SAP130: variants seen among roughly 807,000 people sequenced by gnomAD.
SAP130 encodes the protein Sin3A associated protein 130, also known as histone deacetylase complex subunit SAP130.
A neutral mutation model predicts 103.2 loss-of-function variants in SAP130; 16 were observed. That is an observed-to-expected ratio of 0.16 (90% CI 0.10 to 0.24). The LOEUF is 0.24. Among genes scored for constraint, SAP130 ranks in the 10% least tolerant of loss-of-function variants. The pLI, the probability that SAP130 is intolerant of heterozygous loss-of-function variation, is 1.00. For synonymous variants in SAP130, 477 were observed against 497.0 expected (o/e 0.96, Z 0.53); for missense variants, 990 against 1,359.7 (o/e 0.73, Z 4.28).
rs755963414 is a variant in SAP130, at chr2:127,941,997, G to C, written c.*9C>G. On this transcript the variant is annotated 3_prime_UTR_variant, in exon 21 of 21. Transcript: ENST00000643581. ...TAAATTTGCTTCCAATCTCCTGATT[G>C]TTCTGGGTCTAGACTTTTTCCTTTC... The C allele has an allele frequency of 2.6e-6, 4 of 1,540,688 alleles. No homozygotes were observed. The highest frequency in any genetic ancestry group is 3.5e-6 in the Non-Finnish European group (4 of 1,155,728).
At chr2:127,983,996 C>T (rs1682184723) in intron 14 of SAP130, among the ~76,000 whole-genome samples, 1 of 151,740 alleles carries the variant, frequency 6.6e-6, no homozygotes, top group African/African-American at 2.4e-5. Flanking sequence ...ATCCCTGTTC[C>T]TTTTCTCTGA....
chr2:127,974,917 T>C (rs976424170), intron 15 of SAP130, among the ~76,000 whole-genome samples: 1 of 152,212 alleles, frequency 6.6e-6, no homozygotes, highest in Non-Finnish European at 1.5e-5. Context: ...TGTACAGATT[T>C]TTAGCCTAGG....
chr2:127,989,287 C>T lies in SAP130; in HGVS notation c.1780+277G>A, dbSNP rs549793224. 6.6e-4 allele frequency among the ~76,000 whole-genome samples: 101 copies of T among 151,948 alleles called. No individual in the cohort carries two copies. The highest frequency in any genetic ancestry group is 3.4e-3 in the Middle Eastern group (1 of 294). On this transcript the variant is annotated intron_variant, in intron 13 of 20. Coordinates refer to ENST00000643581, the MANE Select transcript of SAP130 (RefSeq NM_001330301.2). The surrounding 1 kb of genome is among the most constrained non-coding windows in gnomAD (Gnocchi z 4.6). Reference sequence around the variant, plus strand: ...CTAATTTTTTTGTATTTTTAGTAGACAGGGTTTTACCACGTTAGCCTGGAT... The same window carrying T: ...CTAATTTTTTTGTATTTTTAGTAGATAGGGTTTTACCACGTTAGCCTGGAT...
At chr2:128,017,472 A>G (rs1684857703) in intron 3 of SAP130, among the ~76,000 whole-genome samples, 1 of 152,202 alleles carries the variant, frequency 6.6e-6, no homozygotes, top group Non-Finnish European at 1.5e-5. Flanking sequence ...ATAACAGCAA[A>G]GATCCTATGA....
chr2:128,015,871 G>A (rs531895163), intron 4 of SAP130, among the ~76,000 whole-genome samples: 4 of 151,306 alleles, frequency 2.6e-5, no homozygotes, highest in African/African-American at 4.9e-5. Flanking sequence ...AACACGGGAC[G>A]TGGACGTTGC....
At chr2:127,978,462 A>G (rs1176867026) in intron 14 of SAP130, among the ~76,000 whole-genome samples, 2 of 152,166 alleles carry the variant, frequency 1.3e-5, no homozygotes, top group African/African-American at 2.4e-5. Flanking sequence ...TATTATGCCT[A>G]TGGTGTTTAT....
chr2:127,944,094 C>T lies in SAP130; in HGVS notation c.2901+1362G>A, dbSNP rs370085165. On this transcript the variant is annotated intron_variant, in intron 19 of 20. Coordinates refer to ENST00000643581, the MANE Select transcript of SAP130 (RefSeq NM_001330301.2). ...TTATCCAGGATGGAGTGCAGTGGTG[C>T]GATCATGGCTAAGGGCAGCCTTGGT... 3.6e-4 allele frequency among the ~76,000 whole-genome samples: 54 copies of T among 151,706 alleles called. No individual in the cohort carries two copies. The South Asian group carries it at 5.9e-3, about 16-fold the overall frequency.
intron 2 of SAP130, among the ~76,000 whole-genome samples, chr2:128,019,123 T>C (rs965450023): frequency 2.2e-4 from 33 of 151,972 alleles, no homozygotes; most frequent in Admixed American, 2.2e-3. Context: ...AAAAAAGATA[T>C]TTTAAGTACG....
intron 9 of SAP130, 46 bp from the exon 10 acceptor site, chr2:127,999,891 C>T (rs376833813): frequency 2.8e-6 from 4 of 1,442,854 alleles, no homozygotes; most frequent in Non-Finnish European, 3.8e-6. Context: ...AACTTCTCTG[C>T]ACACGTTACA....
intron 13 of SAP130, among the ~76,000 whole-genome samples, chr2:127,988,695 C>T (rs1284082043): frequency 1.3e-5 from 2 of 151,800 alleles, no homozygotes; most frequent in Non-Finnish European, 2.9e-5. Flanking sequence ...ATTAAAAATA[C>T]AAAAATTAGC....
chr2:127,947,615 C>A (rs1486409629), intron 18 of SAP130, among the ~76,000 whole-genome samples: 1 of 152,174 alleles, frequency 6.6e-6, no homozygotes, highest in East Asian at 1.9e-4. Flanking sequence ...ACCTGGTCAG[C>A]CGATTATCTT....
chr2:128,013,218 T>A, intron 5 of SAP130, 64 bp from the exon 6 acceptor site: 1 of 1,447,954 alleles, frequency 6.9e-7, no homozygotes, highest in Non-Finnish European at 9.2e-7. Context: ...ATAATCAGTA[T>A]GTTTCCCAAA....
intron 15 of SAP130, among the ~76,000 whole-genome samples, chr2:127,961,693 T>C (rs922928497): frequency 1.3e-5 from 2 of 152,142 alleles, no homozygotes; most frequent in Non-Finnish European, 2.9e-5. Context: ...GTGAGCGGAA[T>C]GCACGCACTT....
At chr2:128,015,338 CA>C (rs1684696389) in intron 4 of SAP130, among the ~76,000 whole-genome samples, 1 of 152,168 alleles carries the variant, frequency 6.6e-6, no homozygotes, top group Non-Finnish European at 1.5e-5. Flanking sequence ...TGGTATCCAA[CA>C]GGTGCTCCCT....
intron 10 of SAP130, among the ~76,000 whole-genome samples, chr2:127,997,055 C>G (rs1258797679): frequency 2.0e-5 from 3 of 152,196 alleles, no homozygotes; most frequent in Non-Finnish European, 2.9e-5. Flanking sequence ...ATTCCCAAGT[C>G]TGTTTCTTTA....
At chr2:127,999,390 T>C (rs1163101592) in intron 10 of SAP130, among the ~76,000 whole-genome samples, 3 of 151,976 alleles carry the variant, frequency 2.0e-5, no homozygotes, top group African/African-American at 4.8e-5. Flanking sequence ...GGCGGGCAGA[T>C]CATGAGGTCA....
chr2:127,977,869 C>G, intron 15 of SAP130, 116 bp downstream of exon 15: 1 of 793,720 alleles, frequency 1.3e-6, no homozygotes, highest in Non-Finnish European at 2.1e-6. Flanking sequence ...AGCCACTGCA[C>G]TCCAGCCTGG....
intron 7 of SAP130, among the ~76,000 whole-genome samples, chr2:128,008,233 C>T (rs1684111540): frequency 6.6e-6 from 1 of 152,180 alleles, no homozygotes; most frequent in African/African-American, 2.4e-5. Flanking sequence ...CCTCCCTAAC[C>T]TCCCTGTAAT....
chr2:127,980,507 C>T (rs1681788475), intron 14 of SAP130, among the ~76,000 whole-genome samples: 1 of 152,106 alleles, frequency 6.6e-6, no homozygotes, highest in Non-Finnish European at 1.5e-5. Context: ...TAGCAAATCC[C>T]TCAGTATTTA....
Sources: allele counts gnomAD v4.1 joint callset (sites outside exome capture counted in the v4.1 genomes callset), GRCh38; gene constraint gnomAD v4.1.1; non-coding constraint Gnocchi (gnomAD v3.1); transcripts MANE v1.5; gene names NCBI Gene and HGNC (gene_info 2026-07-23, HGNC 2026-07-21).